Variants in KHDC4 observed in about 807,000 individuals in gnomAD.
KHDC4 encodes KH domain containing 4, pre-mRNA splicing factor.
A neutral mutation model predicts 74.5 loss-of-function variants in KHDC4; 19 were observed. The ratio of observed to expected loss-of-function variants is 0.26; its 90% CI spans 0.18 to 0.37. The LOEUF (loss-of-function observed/expected upper bound fraction) is 0.37, where lower values mean the gene tolerates loss of function less well. Among genes scored for constraint, KHDC4 ranks in the 10% least tolerant of loss-of-function variants. The probability of loss-of-function intolerance (pLI) is 1.00; values close to 1 mark genes in which losing one functional copy is unlikely to be tolerated. For synonymous variants in KHDC4, 253 were observed against 266.1 expected (o/e 0.95, Z 0.48); for missense variants, 632 against 754.1 (o/e 0.84, Z 1.90).
At chr1:155,931,751 G>GT (rs1306901876) in intron 2 of KHDC4, among the ~76,000 whole-genome samples, 1 of 152,176 alleles carries the variant, frequency 6.6e-6, no homozygotes, top group Admixed American at 6.5e-5. Flanking sequence ...GCTCAAGAAG[G>GT]TAACATACTG....
chr1:155,926,483 C>T, intron 6 of KHDC4, 193 bp downstream of exon 6: 1 of 590,406 alleles, frequency 1.7e-6, no homozygotes, highest in South Asian at 1.9e-5. Context: ...GTGCCTGCCA[C>T]CATGCCCGGG....
At chr1:155,927,287 G>A (rs1196433331) in intron 4 of KHDC4, 131 bp from the exon 5 acceptor site, 1 of 650,742 alleles carries the variant, frequency 1.5e-6, no homozygotes, top group South Asian at 1.8e-5. Flanking sequence ...ACATTAGAAG[G>A]GTTTTTGCTA....
At chr1:155,917,999 A>G (rs1439917942) in intron 10 of KHDC4, among the ~76,000 whole-genome samples, 2 of 152,212 alleles carry the variant, frequency 1.3e-5, no homozygotes, top group Non-Finnish European at 2.9e-5. Flanking sequence ...GCTTTCTGTA[A>G]TAAGCTTTCT....
chr1:155,914,366 A>T (rs767345986), intron 13 of KHDC4, 46 bp from the exon 14 acceptor site: 1 of 1,343,478 alleles, frequency 7.4e-7, no homozygotes, highest in Non-Finnish European at 1.0e-6. Flanking sequence ...CGCCAAGGGA[A>T]AAAAAAAAAT....
chr1:155,923,078 G>A (rs1042092092), intron 8 of KHDC4, among the ~76,000 whole-genome samples: 10 of 151,304 alleles, frequency 6.6e-5, no homozygotes, highest in Non-Finnish European at 1.0e-4. Context: ...AGTGGCGGGC[G>A]CCTGTAGTCC....
chr1:155,925,704 C>T lies in KHDC4; in HGVS notation c.821G>A (p.Arg274Gln). ...CTCAATGCAGCCTGAACCTTTGCCCCGCAGGAAGACTTTGGCACCTGTTTC... is the reference window on the plus strand; with the variant it reads ...CTCAATGCAGCCTGAACCTTTGCCCTGCAGGAAGACTTTGGCACCTGTTTC... ...QIETGAKVFL[R>Q]GKGSGCIEPA... Residue 274 changes from arginine to glutamine, a missense_variant, in exon 7 of 14, where the codon CGG becomes CAG. Physicochemically the swap from Arg to Gln is conservative, Grantham distance 43. This residue lies in a region of KHDC4 where 233 missense variants were observed against 342.6 expected (regional missense o/e 0.68). Coordinates refer to ENST00000368321, the MANE Select transcript of KHDC4 (RefSeq NM_014949.4). The T allele has an allele frequency of 2.5e-6, 4 of 1,614,108 alleles. No homozygotes were observed. Among genetic ancestry groups the T allele is most frequent in the African/African-American group, 1.3e-5 (1 of 75,024 alleles).
At chr1:155,915,529 A>C (rs1673712825) in intron 13 of KHDC4, 1 of 299,768 alleles carries the variant, frequency 3.3e-6, no homozygotes, top group Non-Finnish European at 6.0e-6. Context: ...TATTTATGAG[A>C]TGGAGTCTTG....
chr1:155,915,952 A>G lies in KHDC4; in HGVS notation c.1566T>C (p.Pro522=). 6.3e-7 allele frequency: 1 copy of G among 1,586,988 alleles called. No individual in the cohort carries two copies. Among genetic ancestry groups the G allele is most frequent in the Non-Finnish European group, 8.5e-7 (1 of 1,169,628 alleles). The change falls in exon 13 of 14, where the codon CCT becomes CCC. Residue 522 remains proline, a synonymous_variant. Coordinates refer to ENST00000368321, the MANE Select transcript of KHDC4 (RefSeq NM_014949.4). ...TTCCAGTCACTGGAAAGGCTGGTGGAGGCATCAACTGCCTATTGAAAAACA... is the reference window on the plus strand; with the variant it reads ...TTCCAGTCACTGGAAAGGCTGGTGGGGGCATCAACTGCCTATTGAAAAACA... The part of the protein sequence containing the change: ...KERERDRQLM[P]PPAFPVTGIK...
At chr1:155,927,825 AAAAAAAC>A (rs1674042170) in intron 4 of KHDC4, among the ~76,000 whole-genome samples, 1 of 83,312 alleles carries the variant, frequency 1.2e-5, no homozygotes, top group African/African-American at 4.6e-5. Context: ...AAAAAAAAAA[AAAAAAAC>A]CACACACACA....
At chr1:155,917,981 T>C (rs605025) in intron 10 of KHDC4, among the ~76,000 whole-genome samples, 132,669 of 152,164 alleles carry the variant, frequency 0.87, 58,400 homozygotes, top group East Asian at 1. Flanking sequence ...TGACAGTCGA[T>C]GTGATTAGCT....
In KHDC4 at chr1:155,926,658, T is replaced by A; in HGVS notation, c.681+18A>T. ...ATAGAAATGATAATGCTATTAACGA[T>A]CCCTCCCCAAAACATACCCCTGACT... is the stretch of plus-strand genomic sequence containing the variant. On this transcript the variant is annotated intron_variant, in intron 6 of 13. Coordinates refer to ENST00000368321, the MANE Select transcript of KHDC4 (RefSeq NM_014949.4). The A allele has an allele frequency of 3.1e-6, 5 of 1,612,712 alleles. No individual in the cohort carries two copies. Among genetic ancestry groups the A allele is most frequent in the Non-Finnish European group, 4.2e-6 (5 of 1,178,822 alleles).
Position 155,929,362 on chromosome 1 carries a change from C to G in KHDC4, c.398G>C (p.Ser133Thr), listed in dbSNP as rs1674095176. Residue 133 changes from serine (S) to threonine (T), a missense_variant, in exon 4 of 14, where the codon AGT becomes ACT. Ser to Thr is a moderately conservative substitution (Grantham distance 58). This residue lies in a region of KHDC4 where 233 missense variants were observed against 342.6 expected (regional missense o/e 0.68). Coordinates refer to ENST00000368321, the MANE Select transcript of KHDC4 (RefSeq NM_014949.4). Reference sequence around the variant, plus strand: ...CCCTCGAGTTGATACTGCAGCCCCACTAAGTCGGCTGATCTAAAAAAGGAA... The same window carrying G: ...CCCTCGAGTTGATACTGCAGCCCCAGTAAGTCGGCTGATCTAAAAAAGGAA... ...GQTQDEISRL[S>T]GAAVSTRGRF... is the part of the protein sequence containing the mutation. 1 of 1,613,304 alleles carries G rather than the reference C, an allele frequency of 6.2e-7. No homozygotes were observed. The highest frequency in any genetic ancestry group is 8.5e-7 in the Non-Finnish European group (1 of 1,179,666).
At chr1:155,927,006 T>G in intron 5 of KHDC4, 98 bp downstream of exon 5, 1 of 1,346,408 alleles carries the variant, frequency 7.4e-7, no homozygotes, top group Non-Finnish European at 1.1e-6. Flanking sequence ...TGAACAAGGG[T>G]TAGAACAGCC....
Position 155,914,168 on chromosome 1 carries a change from A to T in KHDC4, c.1798T>A (p.Ser600Thr), listed in dbSNP as rs1673683157. The change falls in exon 14 of 14, where the codon TCA becomes ACA. Residue 600 changes from serine to threonine, a missense_variant. Around this residue, in one of 4 missense-constraint regions of KHDC4, gnomAD observed 41 missense variants for 66.0 expected, o/e 0.62. Coordinates refer to ENST00000368321, the MANE Select transcript of KHDC4 (RefSeq NM_014949.4). ...GWSLGYQYPS[S>T]QPRAKQQMPF... ...ATCTGTTGTTTAGCTCGTGGTTGTGATGAAGGATATTGGTATCCCAAACTC... is the reference window on the plus strand; with the variant it reads ...ATCTGTTGTTTAGCTCGTGGTTGTGTTGAAGGATATTGGTATCCCAAACTC... The T allele has an allele frequency of 1.9e-6, 3 of 1,614,018 alleles. No homozygotes were observed. Among genetic ancestry groups the T allele is most frequent in the Non-Finnish European group, 2.5e-6 (3 of 1,180,038 alleles).
intron 13 of KHDC4, 192 bp from the exon 14 acceptor site, chr1:155,914,512 G>A: frequency 1.8e-6 from 1 of 560,576 alleles, no homozygotes; most frequent in Non-Finnish European, 3.1e-6. Flanking sequence ...CAGCAAATGT[G>A]AATCCACCAG....
At chr1:155,927,851 CACACACACACACACACACACACAA>C (rs1368044039) in intron 4 of KHDC4, among the ~76,000 whole-genome samples, 47 of 28,666 alleles carry the variant, frequency 1.6e-3, no homozygotes, top group South Asian at 4.4e-3. Context: ...CACACACACA[CACACACACACACACACACACACAA>C]AATTAATGGG....
chr1:155,928,813 G>A (rs1167594855), intron 4 of KHDC4, among the ~76,000 whole-genome samples: 1 of 151,764 alleles, frequency 6.6e-6, no homozygotes, highest in Non-Finnish European at 1.5e-5. Flanking sequence ...TTAGCCAGGC[G>A]TGGTGGCAGG....
chr1:155,920,393 C>T (rs190626973), intron 10 of KHDC4, among the ~76,000 whole-genome samples: 27 of 151,878 alleles, frequency 1.8e-4, no homozygotes, highest in Admixed American at 6.6e-5. Flanking sequence ...AGCTGAGATG[C>T]GCCACTGCAC....
At chr1:155,927,254 C>A in intron 4 of KHDC4, 98 bp from the exon 5 acceptor site, 1 of 930,316 alleles carries the variant, frequency 1.1e-6, no homozygotes, top group Non-Finnish European at 1.7e-6. Flanking sequence ...TTCAAGTTTC[C>A]AAATAACCAA....
Sources: gnomAD v4.1 joint callset for allele counts (sites outside exome capture counted in the v4.1 genomes callset) on GRCh38, gnomAD v4.1.1 for gene constraint, gnomAD v4.1.1 regional missense constraint, MANE v1.5 for transcripts, NCBI Gene and HGNC (gene_info 2026-07-23, HGNC 2026-07-21) for gene names.